SUMF1: variants seen among roughly 807,000 people sequenced by gnomAD.
SUMF1 encodes sulfatase modifying factor 1.
SUMF1 carries 48 observed loss-of-function variants against 47.6 expected under a neutral mutation model. The observed-to-expected ratio is 1.01, with a 90% CI of 0.80 to 1.28. The LOEUF (loss-of-function observed/expected upper bound fraction) is 1.28. Among genes scored for constraint, SUMF1 ranks in the 50% most tolerant of loss-of-function variants. The pLI, the probability that SUMF1 is intolerant of heterozygous loss-of-function variation, is 0.00. For missense variants in SUMF1, 571 were observed against 485.4 expected (o/e 1.18, Z -1.66); for synonymous variants, 230 against 192.1 (o/e 1.20, Z -1.63).
intron 7 of SUMF1, among the ~76,000 whole-genome samples, chr3:4,394,524 G>T (rs146679226): frequency 6.6e-6 from 1 of 152,168 alleles, no homozygotes; most frequent in Non-Finnish European, 1.5e-5. Flanking sequence ...TAATTCAAAG[G>T]TGTTAGATTA....
chr3:4,151,454 C>T lies in SUMF1; in HGVS notation c.1015-82709G>A, dbSNP rs1274571224. ...ATGTGTATATATGTATATATGTATA[C>T]ATGTGTATATATGTATATATGTATA... is the stretch of plus-strand genomic sequence containing the variant. On this transcript the variant is annotated intron_variant and NMD_transcript_variant, in intron 8 of 12. Transcript: ENST00000448413. Among the ~76,000 whole-genome samples the T allele has an allele frequency of 9.0e-4, 121 of 135,192 alleles. 2 individuals are homozygous for T. Among genetic ancestry groups the T allele is most frequent in the African/African-American group, 3.2e-3 (113 of 35,404 alleles). The allele number at this position is 135,192 out of a possible 152,430, so 88.7% of individuals were successfully genotyped here. A position where few individuals can be genotyped will look rare whatever the true frequency, so the allele number is the denominator to read the frequency against.
chr3:4,064,093 G>T (rs1464452868), intron 9 of SUMF1, among the ~76,000 whole-genome samples: 1 of 152,162 alleles, frequency 6.6e-6, no homozygotes, highest in Non-Finnish European at 1.5e-5. Context: ...TAGGAGCTGG[G>T]TAAAATAAGG....
chr3:4,238,075 C>A (rs1445310844), intron 8 of SUMF1, among the ~76,000 whole-genome samples: 1 of 152,058 alleles, frequency 6.6e-6, no homozygotes, highest in Non-Finnish European at 1.5e-5. Flanking sequence ...ATGGTGGTTT[C>A]CAGCTTCATC....
intron 7 of SUMF1, among the ~76,000 whole-genome samples, chr3:4,407,703 T>C (rs1432048129): frequency 6.6e-6 from 1 of 152,208 alleles, no homozygotes; most frequent in African/African-American, 2.4e-5. Flanking sequence ...CTACCACAGC[T>C]GTGAAGAATT....
rs539088187 is a variant in SUMF1, at chr3:4,417,035, A to T, written c.840+93T>A. ...GCATACACGAAGGGAACACCGTGTGAGTCACAAAGTGAGCAATGCCTTTCA... is the reference window on the plus strand; with the variant it reads ...GCATACACGAAGGGAACACCGTGTGTGTCACAAAGTGAGCAATGCCTTTCA... On this transcript the variant is annotated intron_variant, in intron 6 of 8. Coordinates refer to ENST00000272902, the MANE Select transcript of SUMF1 (RefSeq NM_182760.4). The T allele has an allele frequency of 1.4e-5, 16 of 1,124,720 alleles. No individual in the cohort carries two copies. In the South Asian group the frequency reaches 2.0e-4, roughly 14 times the overall value. The allele number at this position is 1,124,720 out of a possible 1,614,324, so 69.7% of individuals were successfully genotyped here.
At chr3:4,346,309 T>G (rs1444207559) in intron 8 of SUMF1, among the ~76,000 whole-genome samples, 2 of 152,014 alleles carry the variant, frequency 1.3e-5, no homozygotes, top group Admixed American at 6.6e-5. Context: ...GCAAAAGAAC[T>G]GAAATCATAA....
intron 8 of SUMF1, among the ~76,000 whole-genome samples, chr3:4,138,986 G>A (rs1366214168): frequency 6.6e-6 from 1 of 152,016 alleles, no homozygotes; most frequent in African/African-American, 2.4e-5. Flanking sequence ...TCCACTTTCA[G>A]TGATTCATGT....
chr3:4,185,473 A>G (rs546292770), intron 8 of SUMF1, among the ~76,000 whole-genome samples: 1 of 152,194 alleles, frequency 6.6e-6, no homozygotes, highest in Non-Finnish European at 1.5e-5. Flanking sequence ...GAATGCTTTT[A>G]TGCTTTCTGT....
intron 8 of SUMF1, among the ~76,000 whole-genome samples, chr3:4,256,684 G>C (rs1235081917): frequency 2.6e-5 from 4 of 152,026 alleles, no homozygotes; most frequent in Non-Finnish European, 4.4e-5. Flanking sequence ...TTCTACCAGA[G>C]GTACAAGGAG....
chr3:4,250,570 T>C (rs1696778976), intron 8 of SUMF1, among the ~76,000 whole-genome samples: 1 of 152,142 alleles, frequency 6.6e-6, no homozygotes, highest in South Asian at 2.1e-4. Context: ...GGCCATCTAG[T>C]ATTTTCATAG....
intron 8 of SUMF1, among the ~76,000 whole-genome samples, chr3:4,241,231 A>G (rs1219612055): frequency 6.6e-6 from 1 of 152,188 alleles, no homozygotes; most frequent in Non-Finnish European, 1.5e-5. Flanking sequence ...AGGATCTTCA[A>G]CTTCTAAAAC....
intron 8 of SUMF1, among the ~76,000 whole-genome samples, chr3:4,284,963 AC>A (rs1481654569): frequency 6.6e-6 from 1 of 152,100 alleles, no homozygotes; most frequent in East Asian, 1.9e-4. Flanking sequence ...CTAAGCTTTC[AC>A]CCCCATTTAT....
At chr3:4,416,730 T>A (rs1005475491) in intron 6 of SUMF1, among the ~76,000 whole-genome samples, 6 of 83,520 alleles carry the variant, frequency 7.2e-5, no homozygotes, top group Middle Eastern at 5.1e-3. Flanking sequence ...TTCATGCAAA[T>A]GCCTTGGCGC....
chr3:4,392,806 C>A (rs760662584), intron 7 of SUMF1, among the ~76,000 whole-genome samples: 16 of 151,800 alleles, frequency 1.1e-4, no homozygotes, highest in Non-Finnish European at 1.9e-4. Context: ...TCCCCATGGT[C>A]TGTACCCACT....
At chr3:4,271,516 T>C (rs981582191) in intron 8 of SUMF1, among the ~76,000 whole-genome samples, 8 of 72,180 alleles carry the variant, frequency 1.1e-4, no homozygotes, top group African/African-American at 2.1e-4. Flanking sequence ...GATAGATAGA[T>C]AGATACAGAG....
chr3:4,240,399 T>TA (rs1162913706), intron 8 of SUMF1, among the ~76,000 whole-genome samples: 1 of 152,126 alleles, frequency 6.6e-6, no homozygotes, highest in Non-Finnish European at 1.5e-5. Context: ...CCTGGGCGTT[T>TA]CTTGGATTAT....
chr3:4,353,406 C>A (rs1699548013), intron 8 of SUMF1, among the ~76,000 whole-genome samples: 1 of 152,152 alleles, frequency 6.6e-6, no homozygotes, highest in South Asian at 2.1e-4. Context: ...GCACCCGCCA[C>A]CACGCCCGGC....
intron 8 of SUMF1, among the ~76,000 whole-genome samples, chr3:4,157,474 A>G (rs1559519785): frequency 1.3e-5 from 2 of 151,532 alleles, no homozygotes; most frequent in Admixed American, 1.3e-4. Context: ...CTTTCCCCAA[A>G]ATATTTTTAA....
intron 7 of SUMF1, among the ~76,000 whole-genome samples, chr3:4,389,086 C>A (rs1700766678): frequency 6.6e-6 from 1 of 152,142 alleles, no homozygotes; most frequent in Non-Finnish European, 1.5e-5. Context: ...AAAGTTCCTT[C>A]TTTAATCATT....
Sources: gnomAD v4.1 joint callset for allele counts (sites outside exome capture counted in the v4.1 genomes callset) on GRCh38, gnomAD v4.1.1 for gene constraint, MANE v1.5 for transcripts, NCBI Gene and HGNC (gene_info 2026-07-23, HGNC 2026-07-21) for gene names.